The following SFSWAP variants were observed in gnomAD, a reference collection of about 807,000 sequenced individuals.
SFSWAP encodes the protein splicing factor SWAP, also known as splicing factor, suppressor of white-apricot homolog.
A neutral mutation model predicts 100.7 loss-of-function variants in SFSWAP; 17 were observed. That is an observed-to-expected ratio of 0.17 (90% CI 0.12 to 0.25). The LOEUF is 0.25. Ranked by LOEUF, SFSWAP falls within the 10% of genes least tolerant of loss-of-function variation. The probability of loss-of-function intolerance (pLI) is 1.00; values close to 1 mark genes in which losing one functional copy is unlikely to be tolerated. For synonymous variants in SFSWAP, 504 were observed against 510.1 expected, an observed-to-expected ratio of 0.99 and a Z score of 0.16; for missense variants, 1,005 against 1,262.6, an observed-to-expected ratio of 0.80 and a Z score of 3.09.
At chr12:131,785,151 A>G (rs1884797841) in intron 14 of SFSWAP, 1 of 1,535,594 alleles carries the variant, frequency 6.5e-7, no homozygotes, top group South Asian at 1.2e-5. Context: ...CCGAGCCAGG[A>G]AGTTATCAGG....
At chr12:131,779,111 G>A (rs1307154456) in intron 14 of SFSWAP, among the ~76,000 whole-genome samples, 4 of 149,216 alleles carry the variant, frequency 2.7e-5, no homozygotes, top group Admixed American at 6.6e-5. Flanking sequence ...TACACTCACC[G>A]GTGCCACACT....
At chr12:131,742,938 T>G (rs1478232658) in intron 7 of SFSWAP, among the ~76,000 whole-genome samples, 1 of 152,190 alleles carries the variant, frequency 6.6e-6, no homozygotes, top group Non-Finnish European at 1.5e-5. Flanking sequence ...GAGCAAGTCA[T>G]GTCTTACATG....
chr12:131,779,141 C>T (rs966097774), intron 14 of SFSWAP, among the ~76,000 whole-genome samples: 2 of 148,038 alleles, frequency 1.4e-5, no homozygotes, highest in Non-Finnish European at 3.0e-5. Context: ...CTTCGTGTGG[C>T]ACCGGTGAGC....
intron 13 of SFSWAP, among the ~76,000 whole-genome samples, chr12:131,774,792 C>G (rs1279935913): frequency 6.6e-6 from 1 of 152,186 alleles, no homozygotes; most frequent in Non-Finnish European, 1.5e-5. Flanking sequence ...ATAAATAGAC[C>G]TGGACTTGAT....
Position 131,754,394 on chromosome 12 carries a change from TC to T in SFSWAP, c.1355del (p.Pro452ArgfsTer8). On this transcript the variant is annotated frameshift_variant, in exon 9 of 18. Coordinates refer to ENST00000261674, the MANE Select transcript of SFSWAP (RefSeq NM_004592.4). LOFTEE classifies it high-confidence loss of function. ...GCACTTGCCCCCGTGGCCGCCATCA[TC>T]CCCCCGCCCCCCGACGTCCAGCCCG... is the stretch of plus-strand genomic sequence containing the variant. ...TSALAPVAAI[I>X]PPPPDVQPVI... The T allele has an allele frequency of 1.0e-5, 16 of 1,576,988 alleles. No individual in the cohort carries two copies. The highest frequency in any genetic ancestry group is 1.7e-4 in the Middle Eastern group (1 of 5,932).
chr12:131,792,768 T>C (rs1885360965), intron 15 of SFSWAP, among the ~76,000 whole-genome samples: 1 of 152,232 alleles, frequency 6.6e-6, no homozygotes, highest in African/African-American at 2.4e-5. Flanking sequence ...TTACTGAGAC[T>C]CCTGTTCTCC....
At chr12:131,760,219 A>G (rs566673611) in intron 11 of SFSWAP, among the ~76,000 whole-genome samples, 6 of 152,308 alleles carry the variant, frequency 3.9e-5, no homozygotes, top group Admixed American at 2.0e-4. Context: ...GGTAGGTCTA[A>G]TGGGGGCATG....
At chr12:131,753,413 A>G (rs1348876233) in intron 8 of SFSWAP, 50 bp downstream of exon 8, 2 of 1,568,112 alleles carry the variant, frequency 1.3e-6, no homozygotes, top group Admixed American at 1.8e-5. Flanking sequence ...TCAGCACTGC[A>G]GTCACTGGGG....
intron 4 of SFSWAP, among the ~76,000 whole-genome samples, chr12:131,722,715 A>T (rs1054417189): frequency 2.0e-5 from 3 of 151,922 alleles, no homozygotes; most frequent in African/African-American, 7.3e-5. Flanking sequence ...TGGGAGGCCG[A>T]GGTGGGAGAA....
chr12:131,712,759 A>G (rs1877501231), intron 1 of SFSWAP: 1 of 152,198 alleles, frequency 6.6e-6, no homozygotes, highest in Admixed American at 6.5e-5. Context: ...ACCATGGTTT[A>G]TATTGAATGT....
At chr12:131,770,498 G>A (rs1883501578) in intron 13 of SFSWAP, among the ~76,000 whole-genome samples, 1 of 152,208 alleles carries the variant, frequency 6.6e-6, no homozygotes, top group Admixed American at 6.5e-5. Context: ...CAGCTTATGT[G>A]CCTGAAGGAC....
intron 9 of SFSWAP, 141 bp downstream of exon 9, chr12:131,754,640 T>TTG: frequency 9.9e-6 from 5 of 504,614 alleles, no homozygotes; most frequent in Non-Finnish European, 8.9e-6. Flanking sequence ...TTTTTTTTTT[T>TTG]TTTTTTTTTT....
At chr12:131,792,784 T>A (rs1027899334) in intron 15 of SFSWAP, among the ~76,000 whole-genome samples, 2 of 152,250 alleles carry the variant, frequency 1.3e-5, no homozygotes, top group African/African-American at 4.8e-5. Flanking sequence ...TCTCCACAAG[T>A]TGACGCAGAG....
chr12:131,768,144 A>G (rs1883275091), intron 13 of SFSWAP, among the ~76,000 whole-genome samples: 1 of 152,296 alleles, frequency 6.6e-6, no homozygotes, highest in South Asian at 2.1e-4. Context: ...CTGCAGCTGC[A>G]TTTCCCATGA....
intron 13 of SFSWAP, among the ~76,000 whole-genome samples, chr12:131,775,131 A>T (rs1298859910): frequency 6.6e-6 from 1 of 152,178 alleles, no homozygotes; most frequent in African/African-American, 2.4e-5. Context: ...CGCCTTACCA[A>T]TCACACACCA....
At chr12:131,742,584 C>T (rs1880746280) in intron 7 of SFSWAP, among the ~76,000 whole-genome samples, 1 of 151,688 alleles carries the variant, frequency 6.6e-6, no homozygotes, top group African/African-American at 2.4e-5. Context: ...ATTCAGGTTT[C>T]CCTAATCCAA....
chr12:131,786,153 A>AT (rs1884872647), intron 14 of SFSWAP, among the ~76,000 whole-genome samples: 1 of 152,194 alleles, frequency 6.6e-6, no homozygotes, highest in Non-Finnish European at 1.5e-5. Flanking sequence ...ATTGGTTGCC[A>AT]TTGACCACGT....
intron 7 of SFSWAP, among the ~76,000 whole-genome samples, chr12:131,740,954 T>A (rs1231379392): frequency 7.5e-5 from 10 of 133,182 alleles, no homozygotes; most frequent in African/African-American, 2.3e-4. Context: ...TTTCTTTTTT[T>A]TTCTTTTTTT....
At chr12:131,758,477 C>T (rs1457568235) in intron 11 of SFSWAP, among the ~76,000 whole-genome samples, 1 of 152,186 alleles carries the variant, frequency 6.6e-6, no homozygotes, top group Non-Finnish European at 1.5e-5. Context: ...AATGTCATTG[C>T]GCCCACAGAG....
Sources: gnomAD v4.1 joint callset for allele counts (sites outside exome capture counted in the v4.1 genomes callset) on GRCh38, gnomAD v4.1.1 for gene constraint, MANE v1.5 for transcripts, NCBI Gene and HGNC (gene_info 2026-07-23, HGNC 2026-07-21) for gene names.